VWA3B: variants seen among roughly 807,000 people sequenced by gnomAD.
The protein encoded by VWA3B is von Willebrand factor A domain containing 3B, also known as von Willebrand factor A domain-containing protein 3B.
In VWA3B, 138 loss-of-function variants were observed where a neutral mutation model predicts 158.3. The ratio of observed to expected loss-of-function variants is 0.87; its 90% CI spans 0.76 to 1.00. VWA3B has a LOEUF of 1.00. Ranked by LOEUF, VWA3B falls within the 50% of genes least tolerant of loss-of-function variation. The pLI is 0.00. For synonymous variants in VWA3B, 596 were observed against 587.3 expected, an observed-to-expected ratio of 1.01 and a Z score of -0.21; for missense variants, 1,555 against 1,565.1, an observed-to-expected ratio of 0.99 and a Z score of 0.11.
chr2:98,141,004 G>A (rs34331102), intron 7 of VWA3B, among the ~76,000 whole-genome samples: 13,501 of 152,178 alleles, frequency 0.089, 890 homozygotes, highest in African/African-American at 0.19. Flanking sequence ...TGGGCAGGTA[G>A]CAGGGTCACA....
intron 15 of VWA3B, among the ~76,000 whole-genome samples, chr2:98,229,627 C>T (rs769668169): frequency 1.3e-5 from 2 of 152,206 alleles, no homozygotes; most frequent in Non-Finnish European, 2.9e-5. Context: ...CTGGTAGACA[C>T]TGATTAGAGA....
intron 9 of VWA3B, among the ~76,000 whole-genome samples, chr2:98,181,546 G>C (rs967570684): frequency 1.3e-5 from 2 of 152,260 alleles, no homozygotes; most frequent in Non-Finnish European, 2.9e-5. Flanking sequence ...GAATGGAAAA[G>C]AGAAATTGCT....
chr2:98,133,907 A>G lies in VWA3B; in HGVS notation c.956A>G (p.Asn319Ser), dbSNP rs1249988628. The G allele has an allele frequency of 6.2e-7, 1 of 1,614,176 alleles. No individual in the cohort carries two copies. Among genetic ancestry groups the G allele is most frequent in the Admixed American group, 1.7e-5 (1 of 60,030 alleles). Residue 319 changes from asparagine (N) to serine (S), a missense_variant, in exon 7 of 28, where the codon AAT becomes AGT. Transcript: ENST00000477737. Reference sequence around the variant, plus strand: ...GATGGTGACAATGTGATGACTTGGAATTCAAGGAAACTGAAAGGAAAACTC... The same window carrying G: ...GATGGTGACAATGTGATGACTTGGAGTTCAAGGAAACTGAAAGGAAAACTC... Reference protein sequence around the residue: ...TKDGDNVMTWNSRKLKGKLPP... With the variant: ...TKDGDNVMTWSSRKLKGKLPP...
At chr2:98,287,846 A>G (rs986908227) in intron 22 of VWA3B, among the ~76,000 whole-genome samples, 5 of 152,106 alleles carry the variant, frequency 3.3e-5, no homozygotes, top group Admixed American at 1.3e-4. Context: ...CGTTCTTCCA[A>G]TTGGATACAT....
chr2:98,272,838 A>G (rs1197750414), intron 22 of VWA3B, among the ~76,000 whole-genome samples: 2 of 152,214 alleles, frequency 1.3e-5, no homozygotes, highest in African/African-American at 4.8e-5. Context: ...GACCAATGCC[A>G]TTATCACAGG....
At chr2:98,205,308 TA>T (rs1478611741) in intron 12 of VWA3B, among the ~76,000 whole-genome samples, 1 of 152,202 alleles carries the variant, frequency 6.6e-6, no homozygotes, top group Non-Finnish European at 1.5e-5. Flanking sequence ...CTGTAGAATT[TA>T]TGAGCATAAA....
intron 21 of VWA3B, 48 bp downstream of exon 21, chr2:98,256,222 C>G: frequency 1.9e-6 from 3 of 1,582,048 alleles, no homozygotes. Context: ...GTGAAATTCA[C>G]GTAACCTAAA....
At chr2:98,094,430 T>C (rs1682576037) in intron 2 of VWA3B, among the ~76,000 whole-genome samples, 1 of 152,198 alleles carries the variant, frequency 6.6e-6, no homozygotes, top group Non-Finnish European at 1.5e-5. Flanking sequence ...ATTTGTATGA[T>C]TTATTTTGAG....
At chr2:98,330,040 G>A in the VWA3B span, among the ~76,000 whole-genome samples, 2 of 152,166 alleles carry the variant, frequency 1.3e-5, no homozygotes, top group African/African-American at 4.8e-5. Flanking sequence ...GGACCTATGA[G>A]AACTAAGGCA....
At chr2:98,129,071 C>A (rs1335618539) in intron 6 of VWA3B, among the ~76,000 whole-genome samples, 1 of 148,084 alleles carries the variant, frequency 6.8e-6, no homozygotes, top group East Asian at 2.0e-4. Context: ...GTATTTATTT[C>A]TTACAGTTCT....
chr2:98,199,875 G>T (rs910756439), intron 12 of VWA3B, among the ~76,000 whole-genome samples: 9 of 152,220 alleles, frequency 5.9e-5, no homozygotes, highest in African/African-American at 2.2e-4. Context: ...ATCTAGAAGT[G>T]AGATTGCTGG....
chr2:98,101,035 TA>T (rs1683040914), intron 2 of VWA3B, among the ~76,000 whole-genome samples: 1 of 152,170 alleles, frequency 6.6e-6, no homozygotes, highest in African/African-American at 2.4e-5. Flanking sequence ...AAAAAATAAA[TA>T]GAAGTTATTT....
At chr2:98,170,548 T>C (rs1679495868) in intron 8 of VWA3B, among the ~76,000 whole-genome samples, 1 of 152,070 alleles carries the variant, frequency 6.6e-6, no homozygotes, top group South Asian at 2.1e-4. Context: ...TATTAAATAA[T>C]CAGCAAGATG....
intron 13 of VWA3B, among the ~76,000 whole-genome samples, chr2:98,214,908 T>C (rs568101895): frequency 2.6e-5 from 4 of 152,280 alleles, no homozygotes; most frequent in Admixed American, 2.6e-4. Flanking sequence ...AAGGTCCATG[T>C]TTTGATTGAT....
intron 2 of VWA3B, 36 bp from the exon 3 acceptor site, chr2:98,115,616 C>G: frequency 6.5e-7 from 1 of 1,528,912 alleles, no homozygotes; most frequent in Non-Finnish European, 9.1e-7. Flanking sequence ...CACTCATGTA[C>G]TACTGTTTTG....
chr2:98,318,888 A>C, the VWA3B span, among the ~76,000 whole-genome samples: 2 of 152,240 alleles, frequency 1.3e-5, no homozygotes, highest in Non-Finnish European at 1.5e-5. Context: ...TGGTTCCAGC[A>C]ACCCCTTGGA....
Position 98,216,832 on chromosome 2 carries a change from C to T in VWA3B, c.1837-1014C>T. Reference sequence around the variant, plus strand: ...GTTCTGAGCCACAGATGAGGAAACTCACATTAGACAGGACATGCCCTAGGC... The same window carrying T: ...GTTCTGAGCCACAGATGAGGAAACTTACATTAGACAGGACATGCCCTAGGC... On this transcript the variant is annotated intron_variant, in intron 13 of 27. Transcript: ENST00000477737. 5.0e-6 allele frequency: 4 copies of T among 801,274 alleles called. No homozygotes were observed. The South Asian group carries it at 5.7e-5, about 11-fold the overall frequency. 49.6% of individuals were successfully genotyped at this position (801,274 alleles called of 1,614,324 possible). A position where few individuals can be genotyped will look rare whatever the true frequency, so the allele number is the denominator to read the frequency against.
At chr2:98,320,883 T>C in the VWA3B span, among the ~76,000 whole-genome samples, 2 of 152,112 alleles carry the variant, frequency 1.3e-5, no homozygotes, top group African/African-American at 4.8e-5. Flanking sequence ...AGGAGCCAAA[T>C]GCTAATCACC....
At chr2:98,326,182 GA>G in the VWA3B span, among the ~76,000 whole-genome samples, 10 of 151,824 alleles carry the variant, frequency 6.6e-5, no homozygotes, top group Admixed American at 5.2e-4. Flanking sequence ...TAATTAGCAA[GA>G]AAAAAGAGAA....
Sources: gnomAD v4.1 joint callset for allele counts (sites outside exome capture counted in the v4.1 genomes callset) on GRCh38, gnomAD v4.1.1 for gene constraint, MANE v1.5 for transcripts, NCBI Gene and HGNC (gene_info 2026-07-23, HGNC 2026-07-21) for gene names.